PUDP: variants seen among roughly 807,000 people sequenced by gnomAD.
The protein encoded by PUDP is pseudouridine-5'-phosphatase.
PUDP carries 8 observed loss-of-function variants against 9.4 expected under a neutral mutation model. The observed-to-expected ratio is 0.85, with a 90% CI of 0.50 to 1.53. The LOEUF (loss-of-function observed/expected upper bound fraction) is 1.53, where lower values mean the gene tolerates loss of function less well. Among genes scored for constraint, PUDP ranks in the 40% most tolerant of loss-of-function variants. The pLI is 0.00. For synonymous variants in PUDP, 99 were observed against 80.7 expected, an observed-to-expected ratio of 1.23 and a Z score of -1.22; for missense variants, 188 against 189.7, an observed-to-expected ratio of 0.99 and a Z score of 0.05.
chrX:6,992,195 G>T (rs1929188995), intron 1 of PUDP, among the ~76,000 whole-genome samples: 1 of 109,402 alleles, frequency 9.1e-6, no homozygotes, highest in Non-Finnish European at 1.9e-5. Context: ...TGTCTACTCA[G>T]CTGATGTTCA....
At chrX:6,986,194 C>T (rs187954244) in intron 1 of PUDP, among the ~76,000 whole-genome samples, 1 of 112,233 alleles carries the variant, frequency 8.9e-6, no homozygotes, top group Non-Finnish European at 1.9e-5. Context: ...CGGGGCTGAC[C>T]TGTCGATGAT....
chrX:6,979,167 T>A (rs758995830), intron 1 of PUDP, among the ~76,000 whole-genome samples: 1 of 112,286 alleles, frequency 8.9e-6, no homozygotes, highest in African/African-American at 3.2e-5. Context: ...CTCCAAAGTG[T>A]GTCTCCTTAC....
intron 1 of PUDP, among the ~76,000 whole-genome samples, chrX:6,710,531 T>G (rs1337691462): frequency 9.0e-6 from 1 of 111,617 alleles, no homozygotes; most frequent in Non-Finnish European, 1.9e-5. Flanking sequence ...CCTGTTCCCA[T>G]CAGTCTAGAC....
chrX:6,954,216 C>A (rs1019527690), intron 3 of PUDP, among the ~76,000 whole-genome samples: 1 of 111,400 alleles, frequency 9.0e-6, no homozygotes, highest in East Asian at 2.8e-4. Flanking sequence ...CAGCCCTCAA[C>A]AACTGTTCCT....
chrX:6,727,027 T>C (rs1410817779), intron 3 of PUDP, among the ~76,000 whole-genome samples: 4 of 111,881 alleles, frequency 3.6e-5, no homozygotes, highest in African/African-American at 1.3e-4. Context: ...TACACCAGTG[T>C]GATAAATTAC....
chrX:7,078,855 T>C (rs1930996160), intron 2 of PUDP, among the ~76,000 whole-genome samples: 1 of 111,542 alleles, frequency 9.0e-6, no homozygotes, highest in South Asian at 3.8e-4. Context: ...AGCACTCCAC[T>C]GGGTGTAGAA....
chrX:6,913,434 C>G (rs1295037478), intron 3 of PUDP, among the ~76,000 whole-genome samples: 1 of 111,310 alleles, frequency 9.0e-6, no homozygotes, highest in African/African-American at 3.3e-5. Flanking sequence ...GTTGAAGAAC[C>G]TTTTTTGGGG....
At chrX:7,001,169 C>T (rs1929320137) in intron 1 of PUDP, among the ~76,000 whole-genome samples, 1 of 109,871 alleles carries the variant, frequency 9.1e-6, no homozygotes, top group South Asian at 3.8e-4. Flanking sequence ...AAAATTAGAA[C>T]ATATATTTTT....
chrX:6,877,689 T>C (rs1399699261), intron 3 of PUDP, among the ~76,000 whole-genome samples: 1 of 111,729 alleles, frequency 9.0e-6, no homozygotes, highest in Non-Finnish European at 1.9e-5. Context: ...GGCAGGCACT[T>C]CCCAATGGCT....
At chrX:6,857,667 C>T (rs969635478) in intron 3 of PUDP, among the ~76,000 whole-genome samples, 2 of 111,609 alleles carry the variant, frequency 1.8e-5, no homozygotes, top group Non-Finnish European at 3.8e-5. Context: ...CTCCTGGCCT[C>T]AAGCAGTCCT....
chrX:7,017,228 A>C (rs974238155), intron 1 of PUDP, among the ~76,000 whole-genome samples: 25 of 111,769 alleles, frequency 2.2e-4, no homozygotes, highest in African/African-American at 7.5e-4. Context: ...AAACATATCG[A>C]ATGCACCACA....
intron 1 of PUDP, among the ~76,000 whole-genome samples, chrX:7,033,028 T>A (rs1466582163): frequency 1.8e-5 from 2 of 111,661 alleles, no homozygotes; most frequent in Non-Finnish European, 3.8e-5. Flanking sequence ...GTGCACCATC[T>A]AATCAGCTGC....
At chrX:7,110,816 A>G (rs1335479276) in intron 1 of PUDP, among the ~76,000 whole-genome samples, 1 of 110,925 alleles carries the variant, frequency 9.0e-6, no homozygotes, top group East Asian at 2.8e-4. Flanking sequence ...TGTCCAGGAG[A>G]AGGAGTGTCA....
intron 1 of PUDP, among the ~76,000 whole-genome samples, chrX:7,146,510 T>G (rs1932863153): frequency 1.8e-5 from 2 of 111,510 alleles, no homozygotes; most frequent in Non-Finnish European, 3.8e-5. Flanking sequence ...TTTCTGAAAT[T>G]GAGTCATTTC....
intron 1 of PUDP, among the ~76,000 whole-genome samples, chrX:6,708,772 T>C (rs189652514): frequency 8.9e-6 from 1 of 112,043 alleles, no homozygotes; most frequent in East Asian, 2.8e-4. Context: ...AAGCTCTGGC[T>C]GAGGTCCCAG....
chrX:6,826,144 C>A (rs1926419838), intron 3 of PUDP, among the ~76,000 whole-genome samples: 1 of 111,131 alleles, frequency 9.0e-6, no homozygotes. Flanking sequence ...TTTTTAAGTC[C>A]CCTTCCCCCA....
intron 1 of PUDP, among the ~76,000 whole-genome samples, chrX:6,710,880 T>C (rs771255170): frequency 8.9e-6 from 1 of 111,938 alleles, no homozygotes; most frequent in Non-Finnish European, 1.9e-5. Context: ...AGCTGGAGGT[T>C]GTGACACACC....
chrX:6,922,987 T>C (rs1185943916), intron 3 of PUDP, among the ~76,000 whole-genome samples: 3 of 112,048 alleles, frequency 2.7e-5, no homozygotes, highest in Non-Finnish European at 5.6e-5. Context: ...CTACCATTTG[T>C]CCTGAATCAA....
intron 3 of PUDP, among the ~76,000 whole-genome samples, chrX:6,875,570 G>A (rs766400435): frequency 2.4e-4 from 27 of 111,420 alleles, no homozygotes; most frequent in Admixed American, 1.1e-3. Context: ...GGGTAATTGC[G>A]GGTTTTGCCA....
Sources: gnomAD v4.1 joint callset for allele counts (sites outside exome capture counted in the v4.1 genomes callset) on GRCh38, gnomAD v4.1.1 for gene constraint, MANE v1.5 for transcripts, NCBI Gene and HGNC (gene_info 2026-07-23, HGNC 2026-07-21) for gene names.